GNAZ: variants seen among roughly 807,000 people sequenced by gnomAD.
GNAZ encodes the protein G protein subunit alpha z.
A neutral mutation model predicts 25.4 loss-of-function variants in GNAZ; 3 were observed. The observed-to-expected ratio is 0.12, with a 90% CI of 0.05 to 0.30. GNAZ has a LOEUF of 0.30. GNAZ is among the 10% of genes least tolerant of loss of function. The probability of loss-of-function intolerance (pLI) is 1.00; values close to 1 mark genes in which losing one functional copy is unlikely to be tolerated. For synonymous variants in GNAZ, 211 were observed against 205.7 expected (o/e 1.03, Z -0.22); for missense variants, 241 against 501.8 (o/e 0.48, Z 4.97).
chr22:23,088,695 C>T (rs567950169), intron 1 of GNAZ, among the ~76,000 whole-genome samples: 1 of 152,334 alleles, frequency 6.6e-6, no homozygotes, highest in African/African-American at 2.4e-5. Flanking sequence ...CACCCCAAGC[C>T]TGGGACAGTG....
At chr22:23,110,057 A>G (rs1257338174) in intron 2 of GNAZ, among the ~76,000 whole-genome samples, 1 of 152,150 alleles carries the variant, frequency 6.6e-6, no homozygotes, top group Non-Finnish European at 1.5e-5. Flanking sequence ...TTGGACTGTA[A>G]GTGACCCTGG....
At chr22:23,099,435 G>C (rs1364108191) in intron 2 of GNAZ, among the ~76,000 whole-genome samples, 4 of 152,264 alleles carry the variant, frequency 2.6e-5, no homozygotes, top group African/African-American at 4.8e-5. Flanking sequence ...CCAACACCCA[G>C]CTGGGGCTTC....
chr22:23,108,770 T>TCTCTGGCTGGCA (rs2069557070), intron 2 of GNAZ, among the ~76,000 whole-genome samples: 2 of 152,356 alleles, frequency 1.3e-5, no homozygotes, highest in African/African-American at 4.8e-5. Context: ...CTCCACCTGC[T>TCTCTGGCTGGCA]CTCTGGCTGG....
chr22:23,105,775 G>A (rs1255694725), intron 2 of GNAZ, among the ~76,000 whole-genome samples: 1 of 152,202 alleles, frequency 6.6e-6, no homozygotes, highest in Non-Finnish European at 1.5e-5. Context: ...GGCTGGTGGG[G>A]AGCAGGGGTG....
intron 1 of GNAZ, among the ~76,000 whole-genome samples, chr22:23,089,358 G>A (rs2068899824): frequency 1.3e-5 from 2 of 152,154 alleles, no homozygotes; most frequent in Admixed American, 1.3e-4. Flanking sequence ...TGGAGGTTAC[G>A]GGCAGGGCAG....
Position 23,124,119 on chromosome 22 carries a change from A to G in GNAZ, c.*688A>G. On this transcript the variant is annotated 3_prime_UTR_variant, in exon 3 of 3. Transcript: ENST00000615612. ...GGCACGATTTATTTCAAACTAGGCCAGCTGGGATTCCAGCTTTTCTTCTAC... is the reference window on the plus strand; with the variant it reads ...GGCACGATTTATTTCAAACTAGGCCGGCTGGGATTCCAGCTTTTCTTCTAC... 1 of 213,548 alleles carries G rather than the reference A, an allele frequency of 4.7e-6. No homozygotes were observed. The highest frequency in any genetic ancestry group is 5.2e-5 in the South Asian group (1 of 19,368). 13.2% of individuals were successfully genotyped at this position (213,548 alleles called of 1,614,324 possible).
intron 2 of GNAZ, among the ~76,000 whole-genome samples, chr22:23,120,012 G>T (rs531343559): frequency 3.9e-5 from 6 of 152,342 alleles, no homozygotes; most frequent in African/African-American, 1.4e-4. Flanking sequence ...GCAGGGGCCT[G>T]AGCTGAGGGA....
rs1345202697 is a variant in GNAZ, at chr22:23,097,127, G to A, written c.723+709G>A. On this transcript the variant is annotated intron_variant, in intron 2 of 2. Coordinates refer to ENST00000615612, the MANE Select transcript of GNAZ (RefSeq NM_002073.4). ...TGTCTTGCCCAGCAGGATTCCCTGAGCACAGATTTCAAGTCTGCCCTTAAG... is the reference window on the plus strand; with the variant it reads ...TGTCTTGCCCAGCAGGATTCCCTGAACACAGATTTCAAGTCTGCCCTTAAG... Among the ~76,000 whole-genome samples, 6 of 152,186 alleles carry A rather than the reference G, an allele frequency of 3.9e-5. No individual in the cohort carries two copies. In the East Asian group the frequency reaches 9.6e-4, roughly 24 times the overall value.
At chr22:23,076,723 A>G (rs1024681393) in intron 1 of GNAZ, among the ~76,000 whole-genome samples, 1 of 152,226 alleles carries the variant, frequency 6.6e-6, no homozygotes, top group Admixed American at 6.5e-5. Context: ...ATGTCTATGG[A>G]AAACTGTCCT....
chr22:23,110,305 G>A (rs2069609022), intron 2 of GNAZ, among the ~76,000 whole-genome samples: 2 of 152,156 alleles, frequency 1.3e-5, no homozygotes, highest in South Asian at 4.1e-4. Context: ...CTTCTCGGAG[G>A]TGAACAGAAC....
chr22:23,105,878 C>T (rs1452193378), intron 2 of GNAZ, among the ~76,000 whole-genome samples: 1 of 152,210 alleles, frequency 6.6e-6, no homozygotes, highest in African/African-American at 2.4e-5. Context: ...TGGAAGAGGC[C>T]AGTCCTCCCA....
chr22:23,096,619 T>C (rs945983349), intron 2 of GNAZ, among the ~76,000 whole-genome samples: 1 of 152,078 alleles, frequency 6.6e-6, no homozygotes, highest in Non-Finnish European at 1.5e-5. Context: ...TCATGTCCCA[T>C]GCCTGAAGTA....
chr22:23,090,165 G>A (rs932599921), intron 1 of GNAZ, among the ~76,000 whole-genome samples: 2 of 152,128 alleles, frequency 1.3e-5, no homozygotes, highest in African/African-American at 2.4e-5. Flanking sequence ...GCAGGGTCCT[G>A]TACCACAGGG....
chr22:23,104,091 A>G (rs934003825), intron 2 of GNAZ, among the ~76,000 whole-genome samples: 3 of 151,792 alleles, frequency 2.0e-5, no homozygotes, highest in Non-Finnish European at 4.4e-5. Flanking sequence ...GACCTTGCAG[A>G]ATCCAGTCAA....
At chr22:23,095,060 C>G (rs1836414881) in intron 1 of GNAZ, among the ~76,000 whole-genome samples, 187 bp from the exon 2 acceptor site, 1 of 152,246 alleles carries the variant, frequency 6.6e-6, no homozygotes, top group South Asian at 2.1e-4. Context: ...CAACAGCAGA[C>G]ATATGTGTTA....
At chr22:23,103,092 T>C (rs1314684316) in intron 2 of GNAZ, among the ~76,000 whole-genome samples, 1 of 152,192 alleles carries the variant, frequency 6.6e-6, no homozygotes, top group Non-Finnish European at 1.5e-5. Flanking sequence ...GGGCTAGTGG[T>C]GGCAGAGCCT....
rs2068364851 is a variant in GNAZ, at chr22:23,071,260, C to T, written c.-450+690C>T. On this transcript the variant is annotated intron_variant, in intron 1 of 2. Coordinates refer to ENST00000615612, the MANE Select transcript of GNAZ (RefSeq NM_002073.4). The surrounding 1 kb of genome is among the most constrained non-coding windows in gnomAD (Gnocchi z 4.1). ...GGGCCTCAGGGCTGGCGCTCCGTAT[C>T]CTGCGGGCGATCCGAGGGGGCTCTG... 6.6e-6 allele frequency among the ~76,000 whole-genome samples: 1 copy of T among 152,110 alleles called. No homozygotes were observed. The highest frequency in any genetic ancestry group is 1.5e-5 in the Non-Finnish European group (1 of 68,006).
At chr22:23,103,812 G>T (rs897131789) in intron 2 of GNAZ, among the ~76,000 whole-genome samples, 25 of 152,184 alleles carry the variant, frequency 1.6e-4, no homozygotes, top group African/African-American at 6.0e-4. Flanking sequence ...CCTCAGGTCA[G>T]CTGGGGATGG....
Position 23,094,578 on chromosome 22 carries a change from CT to C in GNAZ, c.-449-668del, listed in dbSNP as rs2069071856. On this transcript the variant is annotated intron_variant, in intron 1 of 2. Transcript: ENST00000615612. The stretch of plus-strand genomic sequence containing the variant: ...CTCCTTGGTCTCAGCCCAAGCCCCC[CT>C]CTACCTCCTTCTGCAGGAGTGAGGC... Among the ~76,000 whole-genome samples the C allele has an allele frequency of 2.0e-5, 3 of 152,342 alleles. No homozygotes were observed. The South Asian group carries it at 6.2e-4, about 32-fold the overall frequency.
Sources: gnomAD v4.1 joint callset for allele counts (sites outside exome capture counted in the v4.1 genomes callset) on GRCh38, gnomAD v4.1.1 for gene constraint, Gnocchi (gnomAD v3.1) non-coding constraint, MANE v1.5 for transcripts, NCBI Gene and HGNC (gene_info 2026-07-23, HGNC 2026-07-21) for gene names.